Variants in STK32B observed in about 807,000 individuals in gnomAD.
The protein encoded by STK32B is serine/threonine-protein kinase 32B.
In STK32B, 43 loss-of-function variants were observed where a neutral mutation model predicts 52.6. The observed-to-expected ratio is 0.82, with a 90% CI of 0.64 to 1.05. STK32B has a LOEUF of 1.05. Ranked by LOEUF, STK32B falls within the 50% of genes least tolerant of loss-of-function variation. The pLI, the probability that STK32B is intolerant of heterozygous loss-of-function variation, is 0.00. For missense variants in STK32B, 621 were observed against 534.6 expected, an observed-to-expected ratio of 1.16 and a Z score of -1.59; for synonymous variants, 238 against 204.3, an observed-to-expected ratio of 1.17 and a Z score of -1.41.
At chr4:5,152,157 T>C (rs1717421276) in intron 2 of STK32B, among the ~76,000 whole-genome samples, 1 of 152,148 alleles carries the variant, frequency 6.6e-6, no homozygotes, top group African/African-American at 2.4e-5. Context: ...ATTGATGAAG[T>C]GAAGGTTTAT....
At chr4:5,280,923 G>T (rs936376577) in intron 3 of STK32B, among the ~76,000 whole-genome samples, 2 of 151,768 alleles carry the variant, frequency 1.3e-5, no homozygotes, top group Non-Finnish European at 2.9e-5. Context: ...AAACAAAAAC[G>T]AAACAAAACA....
chr4:5,325,958 A>G (rs1037586130), intron 3 of STK32B, among the ~76,000 whole-genome samples: 1 of 152,212 alleles, frequency 6.6e-6, no homozygotes, highest in Non-Finnish European at 1.5e-5. Context: ...TGTCTCTGGG[A>G]ATGTAGGGTC....
intron 11 of STK32B, among the ~76,000 whole-genome samples, chr4:5,481,984 G>C (rs1257909413): frequency 6.6e-6 from 1 of 152,164 alleles, no homozygotes; most frequent in Non-Finnish European, 1.5e-5. Flanking sequence ...TTTGGTTACT[G>C]TAGTCTTGTA....
rs551022586 is a variant in STK32B, at chr4:5,371,040, A to G, written c.435-27167A>G. Reference sequence around the variant, plus strand: ...TATATATGTGTATATATATGTATATATATGTGTGTGTGTGTGTATATATTC... The same window carrying G: ...TATATATGTGTATATATATGTATATGTATGTGTGTGTGTGTGTATATATTC... On this transcript the variant is annotated intron_variant, in intron 4 of 11. Coordinates refer to ENST00000282908, the MANE Select transcript of STK32B (RefSeq NM_018401.3). Among the ~76,000 whole-genome samples, 489 of 149,890 alleles carry G rather than the reference A, an allele frequency of 3.3e-3. 4 individuals are homozygous for G. The highest frequency in any genetic ancestry group is 0.015 in the South Asian group (71 of 4,750).
At chr4:5,109,027 A>AT (rs1714255202) in intron 1 of STK32B, among the ~76,000 whole-genome samples, 1 of 152,016 alleles carries the variant, frequency 6.6e-6, no homozygotes, top group Admixed American at 6.6e-5. Flanking sequence ...GCTAAGGAGG[A>AT]TTTTTCTCTC....
intron 3 of STK32B, among the ~76,000 whole-genome samples, chr4:5,175,651 G>A (rs548413937): frequency 5.9e-5 from 9 of 152,290 alleles, no homozygotes; most frequent in East Asian, 1.9e-4. Flanking sequence ...CTGCCTGATC[G>A]TTCCTCTGGA....
the STK32B span, among the ~76,000 whole-genome samples, chr4:5,041,525 T>C: frequency 6.6e-6 from 1 of 152,164 alleles, no homozygotes; most frequent in Non-Finnish European, 1.5e-5. Flanking sequence ...ATTGCTGGGC[T>C]ACCAAGTTCC....
chr4:5,252,398 C>G (rs868084553), intron 3 of STK32B, among the ~76,000 whole-genome samples: 22 of 152,180 alleles, frequency 1.4e-4, no homozygotes, highest in Admixed American at 2.6e-4. Context: ...GGCACAATGT[C>G]CCATTAGTTG....
At chr4:5,088,148 A>C (rs1712840988) in intron 1 of STK32B, among the ~76,000 whole-genome samples, 1 of 152,124 alleles carries the variant, frequency 6.6e-6, no homozygotes, top group Non-Finnish European at 1.5e-5. Flanking sequence ...GAAAGCTGGA[A>C]GATTCACCAA....
chr4:5,259,678 C>T (rs1000106986), intron 3 of STK32B, among the ~76,000 whole-genome samples: 1 of 152,206 alleles, frequency 6.6e-6, no homozygotes, highest in African/African-American at 2.4e-5. Flanking sequence ...TTTCCTTCCT[C>T]ATTCTTTCTA....
At chr4:5,131,815 C>T (rs532266576) in intron 1 of STK32B, among the ~76,000 whole-genome samples, 23 of 152,318 alleles carry the variant, frequency 1.5e-4, no homozygotes, top group African/African-American at 5.3e-4. Context: ...AGCTCCTGCC[C>T]CCAACACAAT....
intron 5 of STK32B, among the ~76,000 whole-genome samples, chr4:5,403,312 C>A (rs1737436566): frequency 6.6e-6 from 1 of 152,194 alleles, no homozygotes; most frequent in South Asian, 2.1e-4. Flanking sequence ...TAGAGACAGC[C>A]CCTAAAACCC....
At chr4:5,142,332 G>A (rs997360025) in intron 2 of STK32B, among the ~76,000 whole-genome samples, 7 of 152,116 alleles carry the variant, frequency 4.6e-5, no homozygotes, top group Admixed American at 4.6e-4. Flanking sequence ...TTACTTATGT[G>A]GACCTTCTTA....
intron 4 of STK32B, among the ~76,000 whole-genome samples, chr4:5,393,819 G>A (rs1197146863): frequency 2.0e-5 from 3 of 152,232 alleles, no homozygotes; most frequent in Middle Eastern, 6.8e-3. Context: ...CCAGGGCAGC[G>A]TTCTCCTGTC....
intron 3 of STK32B, among the ~76,000 whole-genome samples, chr4:5,271,063 G>A (rs1193756770): frequency 6.6e-6 from 1 of 151,836 alleles, no homozygotes; most frequent in Non-Finnish European, 1.5e-5. Flanking sequence ...TCAGCCTCCT[G>A]AGTAGCTGGG....
intron 4 of STK32B, among the ~76,000 whole-genome samples, chr4:5,392,149 A>G (rs1218894766): frequency 6.6e-6 from 1 of 152,258 alleles, no homozygotes; most frequent in Non-Finnish European, 1.5e-5. Context: ...TTAAAATCAA[A>G]TCAGAACAAG....
chr4:5,459,152 C>G (rs1005478567), intron 8 of STK32B, among the ~76,000 whole-genome samples: 1 of 152,194 alleles, frequency 6.6e-6, no homozygotes, highest in Non-Finnish European at 1.5e-5. Context: ...AGATGCAACC[C>G]CTGCTAGCTA....
intron 3 of STK32B, among the ~76,000 whole-genome samples, chr4:5,275,916 TAGG>T (rs1727789278): frequency 6.6e-6 from 1 of 152,092 alleles, no homozygotes; most frequent in African/African-American, 2.4e-5. Flanking sequence ...AGTCACCTGC[TAGG>T]AGACCTACTA....
intron 3 of STK32B, among the ~76,000 whole-genome samples, chr4:5,250,889 G>C (rs897097721): frequency 4.6e-5 from 7 of 152,084 alleles, no homozygotes; most frequent in African/African-American, 1.7e-4. Context: ...CATTTCCTTT[G>C]CCCACTTTTT....
Sources: allele counts gnomAD v4.1 joint callset (sites outside exome capture counted in the v4.1 genomes callset), GRCh38; gene constraint gnomAD v4.1.1; transcripts MANE v1.5; gene names NCBI Gene and HGNC (gene_info 2026-07-23, HGNC 2026-07-21).